Variants in PPIL4 observed in about 807,000 individuals in gnomAD.
PPIL4 encodes peptidylprolyl isomerase like 4.
Under a neutral mutation model 69.1 loss-of-function variants are expected in PPIL4, and 50 were observed. That is an observed-to-expected ratio of 0.72 (90% CI 0.58 to 0.92). The LOEUF (loss-of-function observed/expected upper bound fraction) is 0.92. Among genes scored for constraint, PPIL4 ranks in the 40% least tolerant of loss-of-function variants. The probability of loss-of-function intolerance (pLI) is 0.00; values close to 1 mark genes in which losing one functional copy is unlikely to be tolerated. For synonymous variants in PPIL4, 193 were observed against 191.6 expected, an observed-to-expected ratio of 1.01 and a Z score of -0.06; for missense variants, 480 against 587.9, an observed-to-expected ratio of 0.82 and a Z score of 1.90.
At position 149,521,618 on chromosome 6, in the gene PPIL4, T is replaced by A. The variant is rs575835835; in HGVS notation, c.871-447A>T. Reference sequence around the variant, plus strand: ...CTAATGGTAGGTTATGACCTTTTTTTATCCACTTAGTATGAATATTCATTT... The same window carrying A: ...CTAATGGTAGGTTATGACCTTTTTTAATCCACTTAGTATGAATATTCATTT... On this transcript the variant is annotated intron_variant, in intron 9 of 12. Transcript: ENST00000253329. Among the ~76,000 whole-genome samples the A allele has an allele frequency of 9.2e-5, 14 of 152,366 alleles. 1 individual carries two copies. The highest frequency in any genetic ancestry group is 3.1e-4 in the African/African-American group (13 of 41,584).
At chr6:149,545,797 T>G in intron 1 of PPIL4, 139 bp downstream of exon 1, 1 of 756,462 alleles carries the variant, frequency 1.3e-6, no homozygotes, top group Non-Finnish European at 2.2e-6. Context: ...GGCCGGTTAA[T>G]AAAATAGCCC....
intron 10 of PPIL4, among the ~76,000 whole-genome samples, chr6:149,520,575 G>C (rs922708521): frequency 3.1e-5 from 4 of 129,874 alleles, no homozygotes; most frequent in African/African-American, 1.4e-4. Flanking sequence ...ACACATGCAT[G>C]TGTGTGCACA....
Position 149,525,201 on chromosome 6 carries a change from A to G in PPIL4, c.812T>C (p.Val271Ala). ...SRFGPIRSCE[V>A]IRDWKTGESL... ...CTCTCCTGTCTTCCAGTCTCGGATA[A>G]CTTCACAACTGAAAGAAAGTATTTA... is the stretch of plus-strand genomic sequence containing the variant. The change falls in exon 9 of 13, where the codon GTT becomes GCT. Residue 271 changes from valine to alanine, a missense_variant. Physicochemically the swap from Val to Ala is moderately conservative, Grantham distance 64. Transcript: ENST00000253329. 2 of 1,546,928 alleles carry G rather than the reference A, an allele frequency of 1.3e-6. No individual in the cohort carries two copies. Among genetic ancestry groups the G allele is most frequent in the Non-Finnish European group, 8.8e-7 (1 of 1,133,498 alleles).
intron 11 of PPIL4, 50 bp downstream of exon 11, chr6:149,517,304 C>T (rs200911337): frequency 6.1e-6 from 6 of 983,702 alleles, no homozygotes; most frequent in Non-Finnish European, 9.8e-6. Context: ...GTACTCTACA[C>T]ATAGCAGATG....
rs541367216 is a variant in PPIL4, at chr6:149,533,508, C to A, written c.628G>T (p.Glu210Ter). Residue 210 changes from glutamate to a stop codon, truncating the protein, a stop_gained, in exon 7 of 13, where the codon GAA becomes TAA. Transcript: ENST00000253329. LOFTEE classifies it high-confidence loss of function. ...FKGRSAEEVEEIKAEKEAKTQ... is the reference protein window; with the variant it reads ...FKGRSAEEVE ...TTAGCCTCTTTTTCTGCCTTTATTT[C>A]TTCTACTTCCTCAGCTGATCTTCCT... 1 of 1,612,304 alleles carries A rather than the reference C, an allele frequency of 6.2e-7. No individual in the cohort carries two copies.
chr6:149,518,036 G>A (rs1182596613), intron 10 of PPIL4, among the ~76,000 whole-genome samples: 2 of 152,072 alleles, frequency 1.3e-5, no homozygotes, highest in East Asian at 1.9e-4. Flanking sequence ...AATGGCAACA[G>A]AGCATCAGGC....
intron 11 of PPIL4, among the ~76,000 whole-genome samples, chr6:149,513,530 T>C (rs952982881): frequency 2.7e-5 from 4 of 149,082 alleles, no homozygotes; most frequent in African/African-American, 9.9e-5. Flanking sequence ...AAATGCATTA[T>C]AGTACTTCAA....
At chr6:149,540,098 C>T (rs1224878371) in intron 4 of PPIL4, among the ~76,000 whole-genome samples, 1 of 152,030 alleles carries the variant, frequency 6.6e-6, no homozygotes, top group East Asian at 1.9e-4. Flanking sequence ...CACTGCACTC[C>T]AGCCTGGCTG....
chr6:149,518,170 C>T (rs1287985428), intron 10 of PPIL4, among the ~76,000 whole-genome samples: 1 of 152,154 alleles, frequency 6.6e-6, no homozygotes, highest in East Asian at 1.9e-4. Flanking sequence ...CTTCATTCCT[C>T]CCAAGTGCCA....
chr6:149,512,010 C>T, intron 12 of PPIL4, 145 bp downstream of exon 12: 3 of 554,238 alleles, frequency 5.4e-6, no homozygotes, highest in East Asian at 2.9e-5. Flanking sequence ...AATCCCATAC[C>T]CCAGTGCAAC....
chr6:149,543,288 CA>C (rs2115042054), intron 1 of PPIL4, among the ~76,000 whole-genome samples: 1 of 152,112 alleles, frequency 6.6e-6, no homozygotes, highest in East Asian at 1.9e-4. Flanking sequence ...TTATAGGAAA[CA>C]GGGGACACAA....
In PPIL4 at chr6:149,533,545, A is replaced by C. The variant is rs769536073; in HGVS notation, c.591T>G (p.Ile197Met). 1.7e-5 allele frequency: 27 copies of C among 1,611,438 alleles called. No homozygotes were observed. The highest frequency in any genetic ancestry group is 2.1e-5 in the Non-Finnish European group (25 of 1,178,050). Residue 197 changes from isoleucine to methionine, a missense_variant, in exon 7 of 13, where the codon ATT (isoleucine) becomes ATG (methionine). By Grantham distance (10) the Ile-to-Met change is conservative. Transcript: ENST00000253329. ...CAGCTGATCTTCCTTTGAAATCATC[A>C]ATTTCTTCATCTGCTCCTATTCGAC... ...DSGRIGADEE[I>M]DDFKGRSAEE...
intron 11 of PPIL4, among the ~76,000 whole-genome samples, chr6:149,513,123 C>A (rs1175803751): frequency 1.3e-5 from 2 of 148,422 alleles, no homozygotes; most frequent in Non-Finnish European, 3.0e-5. Flanking sequence ...TGGTGGCTCA[C>A]ACCTGTAATC....
In PPIL4 at chr6:149,505,345, T is replaced by C. The variant is rs561855961; in HGVS notation, c.*108A>G. ...TAATCTAAAGACCATAATCCTAGTA[T>C]GAAAAAAATAACAAGCTTTGACACA... On this transcript the variant is annotated 3_prime_UTR_variant, in exon 13 of 13. Transcript: ENST00000253329. 3.2e-5 allele frequency: 32 copies of C among 1,001,386 alleles called. No individual in the cohort carries two copies. The Admixed American group carries it at 3.8e-4, about 12-fold the overall frequency. The allele number at this position is 1,001,386 out of a possible 1,614,324, so 62.0% of individuals were successfully genotyped here.
intron 10 of PPIL4, among the ~76,000 whole-genome samples, chr6:149,520,777 G>C (rs1381872961): frequency 6.6e-6 from 1 of 152,132 alleles, no homozygotes; most frequent in African/African-American, 2.4e-5. Context: ...ACTTTGAGAG[G>C]CCAAGGCGGT....
intron 11 of PPIL4, among the ~76,000 whole-genome samples, chr6:149,513,893 A>G (rs370247947): frequency 6.6e-6 from 1 of 152,352 alleles, no homozygotes; most frequent in South Asian, 2.1e-4. Context: ...CTCAACCTCA[A>G]AGGTGGATTT....
At chr6:149,535,513 C>A (rs1274061947) in intron 5 of PPIL4, 83 bp downstream of exon 5, 3 of 991,266 alleles carry the variant, frequency 3.0e-6, no homozygotes, top group African/African-American at 3.2e-5. Context: ...CCTATGCATA[C>A]CGTTCCTATC....
chr6:149,522,219 C>A (rs1418877848), intron 9 of PPIL4, among the ~76,000 whole-genome samples: 1 of 152,128 alleles, frequency 6.6e-6, no homozygotes, highest in Non-Finnish European at 1.5e-5. Flanking sequence ...AAAGAGAAAG[C>A]TCTGAAGATC....
chr6:149,543,171 G>C (rs996579335), intron 1 of PPIL4, among the ~76,000 whole-genome samples: 3 of 152,158 alleles, frequency 2.0e-5, no homozygotes, highest in African/African-American at 7.2e-5. Context: ...GACATCAAGT[G>C]CCTCCTGAAT....
Sources: allele counts gnomAD v4.1 joint callset (sites outside exome capture counted in the v4.1 genomes callset), GRCh38; gene constraint gnomAD v4.1.1; transcripts MANE v1.5; gene names NCBI Gene and HGNC (gene_info 2026-07-23, HGNC 2026-07-21).